The following KPNA6 variants were observed in gnomAD, a reference collection of about 807,000 sequenced individuals.
KPNA6 encodes importin subunit alpha-7.
A neutral mutation model predicts 72.0 loss-of-function variants in KPNA6; 9 were observed. The ratio of observed to expected loss-of-function variants is 0.13; its 90% CI spans 0.08 to 0.22. The LOEUF (loss-of-function observed/expected upper bound fraction) is 0.22. Among genes scored for constraint, KPNA6 ranks in the 10% least tolerant of loss-of-function variants. KPNA6 has a pLI of 1.00. For missense variants in KPNA6, 374 were observed against 655.7 expected (o/e 0.57, Z 4.69); for synonymous variants, 219 against 242.1 (o/e 0.90, Z 0.89).
chr1:32,162,156 C>A lies in KPNA6; in HGVS notation c.747+110C>A, dbSNP rs1336942201. The A allele has an allele frequency of 3.1e-6, 3 of 979,184 alleles. No homozygotes were observed. The East Asian group carries it at 7.4e-5, about 24-fold the overall frequency. The allele number at this position is 979,184 out of a possible 1,614,324, so 60.7% of individuals were successfully genotyped here. A position where few individuals can be genotyped will look rare whatever the true frequency, so the allele number is the denominator to read the frequency against. The stretch of plus-strand genomic sequence containing the variant: ...TCAAATCATGGGAAACTGAAAGAAG[C>A]AATTGTTAGTGAAGTAGATGATCTT... On this transcript the variant is annotated intron_variant, in intron 8 of 13. Transcript: ENST00000373625.
chr1:32,152,627 C>T (rs1246993568), intron 1 of KPNA6, among the ~76,000 whole-genome samples: 3 of 151,976 alleles, frequency 2.0e-5, no homozygotes, highest in Non-Finnish European at 4.4e-5. Flanking sequence ...AGGTGGATCA[C>T]GAGGTCAAGA....
chr1:32,144,833 A>G (rs1570037446), intron 1 of KPNA6, among the ~76,000 whole-genome samples: 2 of 152,082 alleles, frequency 1.3e-5, no homozygotes, highest in East Asian at 3.9e-4. Context: ...TATTTTTAGT[A>G]GAGATGGGAT....
In KPNA6 at chr1:32,108,088, C is replaced by T; in HGVS notation, c.-43C>T. 1 of 1,613,762 alleles carries T rather than the reference C, an allele frequency of 6.2e-7. No homozygotes were observed. The highest frequency in any genetic ancestry group is 8.5e-7 in the Non-Finnish European group (1 of 1,179,778). ...CTACTGAAAGCTGCCGCTGAAGCTG[C>T]CGCCGTTGCCTCCGCCGCCAAGAGT... On this transcript the variant is annotated 5_prime_UTR_variant, in exon 1 of 14. Transcript: ENST00000373625.
In KPNA6 at chr1:32,167,187, A is replaced by G. The variant is rs1412159063; in HGVS notation, c.1135A>G (p.Ile379Val). Residue 379 changes from isoleucine to valine, a missense_variant, in exon 12 of 14, where the codon ATC becomes GTC. Ile to Val is a conservative substitution (Grantham distance 29). Coordinates refer to ENST00000373625, the MANE Select transcript of KPNA6 (RefSeq NM_012316.5). ...AQIQAVIDAN[I>V]FPVLIEILQK... ...CTCTCAGGCTGTTATAGATGCAAAT[A>G]TCTTCCCTGTGTTGATCGAAATCCT... 3.7e-6 allele frequency: 6 copies of G among 1,613,906 alleles called. No homozygotes were observed. In the African/African-American group the frequency reaches 4.0e-5, roughly 11 times the overall value.
At position 32,159,381 on chromosome 1, in the gene KPNA6, T is replaced by C; in HGVS notation, c.427-19T>C. 1.2e-6 allele frequency: 2 copies of C among 1,613,344 alleles called. No individual in the cohort carries two copies. Among genetic ancestry groups the C allele is most frequent in the Non-Finnish European group, 1.7e-6 (2 of 1,179,586 alleles). ...CAGTCTGAAATGACCTTTCAATCAT[T>C]GCTTAATCTCACTTTCAGTTTGAAG... On this transcript the variant is annotated intron_variant, in intron 5 of 13. Coordinates refer to ENST00000373625, the MANE Select transcript of KPNA6 (RefSeq NM_012316.5).
rs1025826828 is a variant in KPNA6, at chr1:32,153,874, T to G, written c.5-714T>G. On this transcript the variant is annotated intron_variant, in intron 1 of 13. Coordinates refer to ENST00000373625, the MANE Select transcript of KPNA6 (RefSeq NM_012316.5). ...TAGAACAGCAGTTCTTGGCTGGACG[T>G]GGTTGCTCATGCCTATAGTCCCAGC... 2.4e-4 allele frequency among the ~76,000 whole-genome samples: 37 copies of G among 152,060 alleles called. 1 individual carries two copies. Among genetic ancestry groups the G allele is most frequent in the African/African-American group, 8.5e-4 (35 of 41,412 alleles).
intron 1 of KPNA6, among the ~76,000 whole-genome samples, chr1:32,130,405 A>C (rs1641616325): frequency 1.3e-5 from 2 of 152,072 alleles, no homozygotes; most frequent in South Asian, 4.1e-4. Context: ...GTCATGGAAA[A>C]TAAGTAACTT....
intron 1 of KPNA6, among the ~76,000 whole-genome samples, chr1:32,131,821 T>C (rs532885708): frequency 6.6e-6 from 1 of 151,644 alleles, no homozygotes. Flanking sequence ...GCACCCCACC[T>C]TTTTTTCTTC....
intron 1 of KPNA6, among the ~76,000 whole-genome samples, chr1:32,147,916 T>C (rs1015847490): frequency 2.0e-5 from 3 of 152,120 alleles, no homozygotes; most frequent in African/African-American, 7.2e-5. Context: ...TTCGCCTGCC[T>C]TGGCCTCCCA....
intron 2 of KPNA6, among the ~76,000 whole-genome samples, chr1:32,155,804 A>C (rs1642130738): frequency 6.6e-6 from 1 of 151,126 alleles, no homozygotes; most frequent in Non-Finnish European, 1.5e-5. Context: ...GAGTGACATG[A>C]TCTCAGCTCA....
intron 1 of KPNA6, 145 bp downstream of exon 1, chr1:32,108,279 C>T (rs1641179812): frequency 2.5e-6 from 3 of 1,222,210 alleles, no homozygotes; most frequent in Non-Finnish European, 3.5e-6. Context: ...CGGGAGTGCC[C>T]CTCTTGCCAG....
chr1:32,113,904 A>G (rs763600799), intron 1 of KPNA6, among the ~76,000 whole-genome samples: 1 of 152,034 alleles, frequency 6.6e-6, no homozygotes, highest in Non-Finnish European at 1.5e-5. Flanking sequence ...TCACATTTTC[A>G]CTTCTAGTTA....
chr1:32,160,706 G>A lies in KPNA6; in HGVS notation c.647+3G>A, dbSNP rs1348765059. On this transcript the variant is annotated splice_donor_region_variant and intron_variant, in intron 7 of 13. Transcript: ENST00000373625. The stretch of plus-strand genomic sequence containing the variant: ...TCCATCCTTAATCCTTTGTTAACGT[G>A]AGTAATTATAATCATCTGTACCTGG... 10 of 1,610,920 alleles carry A rather than the reference G, an allele frequency of 6.2e-6. No homozygotes were observed. The highest frequency in any genetic ancestry group is 1.7e-5 in the Admixed American group (1 of 59,996).
In KPNA6 at chr1:32,122,945, G is replaced by A. The variant is rs557987228; in HGVS notation, c.4+14811G>A. On this transcript the variant is annotated intron_variant, in intron 1 of 13. Transcript: ENST00000373625. ...GCACTCCAGCCTGGGCAACAAGAGC[G>A]AAACTCCATCTCAAAAAAAAAAAAA... is the stretch of plus-strand genomic sequence containing the variant. 7.9e-5 allele frequency among the ~76,000 whole-genome samples: 10 copies of A among 126,992 alleles called. 1 individual carries two copies. The highest frequency in any genetic ancestry group is 1.1e-4 in the Non-Finnish European group (7 of 62,242). The allele number at this position is 126,992 out of a possible 152,430, so 83.3% of individuals were successfully genotyped here. A position where few individuals can be genotyped will look rare whatever the true frequency, so the allele number is the denominator to read the frequency against.
chr1:32,131,122 C>T (rs1464888579), intron 1 of KPNA6, among the ~76,000 whole-genome samples: 1 of 150,994 alleles, frequency 6.6e-6, no homozygotes, highest in African/African-American at 2.4e-5. Context: ...GGTGAAACCC[C>T]GTCTCTACTA....
At chr1:32,119,702 C>T (rs1641396816) in intron 1 of KPNA6, among the ~76,000 whole-genome samples, 1 of 151,884 alleles carries the variant, frequency 6.6e-6, no homozygotes, top group African/African-American at 2.4e-5. Context: ...ATTTCGCATC[C>T]TTTCCACAAT....
intron 1 of KPNA6, among the ~76,000 whole-genome samples, chr1:32,136,421 G>A (rs1274422765): frequency 2.0e-5 from 3 of 152,030 alleles, no homozygotes; most frequent in East Asian, 1.9e-4. Context: ...TGATCTGTCC[G>A]CCTTGGACTC....
chr1:32,143,961 G>A (rs1641886811), intron 1 of KPNA6, among the ~76,000 whole-genome samples: 2 of 152,130 alleles, frequency 1.3e-5, no homozygotes, highest in African/African-American at 2.4e-5. Flanking sequence ...ATATGCAGTA[G>A]TCCTTGCCTT....
rs1333259181 is a variant in KPNA6, at chr1:32,173,612, T to G, written c.*2718T>G. ...AAGTTCTTCCAGCCCACAGAGGTAGTAATATCATCTTTTCTATCTCCTCCT... is the reference window on the plus strand; with the variant it reads ...AAGTTCTTCCAGCCCACAGAGGTAGGAATATCATCTTTTCTATCTCCTCCT... On this transcript the variant is annotated 3_prime_UTR_variant, in exon 14 of 14. Coordinates refer to ENST00000373625, the MANE Select transcript of KPNA6 (RefSeq NM_012316.5). The G allele has an allele frequency of 3.3e-5, 5 of 152,434 alleles. No homozygotes were observed. Among genetic ancestry groups the G allele is most frequent in the African/African-American group, 9.7e-5 (4 of 41,450 alleles). 9.4% of individuals were successfully genotyped at this position (152,434 alleles called of 1,614,324 possible). A position where few individuals can be genotyped will look rare whatever the true frequency, so the allele number is the denominator to read the frequency against.
Sources: allele counts gnomAD v4.1 joint callset (sites outside exome capture counted in the v4.1 genomes callset), GRCh38; gene constraint gnomAD v4.1.1; transcripts MANE v1.5; gene names NCBI Gene and HGNC (gene_info 2026-07-23, HGNC 2026-07-21).